DKC1: variants seen among roughly 807,000 people sequenced by gnomAD.
DKC1 encodes H/ACA ribonucleoprotein complex subunit DKC1.
In DKC1, 4 loss-of-function variants were observed where a neutral mutation model predicts 46.7. The ratio of observed to expected loss-of-function variants is 0.09; its 90% CI spans 0.04 to 0.20. The LOEUF (loss-of-function observed/expected upper bound fraction) is 0.20. DKC1 is among the 10% of genes least tolerant of loss of function. The pLI is 1.00. For synonymous variants in DKC1, 141 were observed against 142.4 expected (o/e 0.99, Z 0.07); for missense variants, 171 against 404.2 (o/e 0.42, Z 4.95).
At chrX:154,776,046 C>G in intron 13 of DKC1, 141 bp from the exon 14 acceptor site, 1 of 758,762 alleles carries the variant, frequency 1.3e-6, no homozygotes. Flanking sequence ...AACTAAGGCC[C>G]TGTCCGGGTT....
In DKC1 at chrX:154,776,263, A is replaced by G. The variant is rs782211602; in HGVS notation, c.1415A>G (p.Lys472Arg). ...CAGTTGATCAAGAAGGAAAAGAAGAAGAGTAAGAAGGACAAGAAGGCCAAA... is the reference window on the plus strand; with the variant it reads ...CAGTTGATCAAGAAGGAAAAGAAGAGGAGTAAGAAGGACAAGAAGGCCAAA... ...APQLIKKEKKKSKKDKKAKAG... is the reference protein window; with the variant it reads ...APQLIKKEKKRSKKDKKAKAG... Residue 472 changes from lysine (K) to arginine (R), a missense_variant, in exon 14 of 15, where the codon AAG (lysine) becomes AGG (arginine). Coordinates refer to ENST00000369550, the MANE Select transcript of DKC1 (RefSeq NM_001363.5). 2 of 1,209,769 alleles carry G rather than the reference A, an allele frequency of 1.7e-6. No homozygotes were observed. Among genetic ancestry groups the G allele is most frequent in the South Asian group, 3.5e-5 (2 of 56,639 alleles).
intron 10 of DKC1, 36 bp from the exon 11 acceptor site, chrX:154,773,095 C>A: frequency 1.0e-6 from 1 of 982,704 alleles, no homozygotes; most frequent in Non-Finnish European, 1.4e-6. Flanking sequence ...TTCTTTCACC[C>A]TTCAAATAAT....
At position 154,767,843 on chromosome X, in the gene DKC1, C is replaced by CTTT. The variant is rs35184460; in HGVS notation, c.641-436_641-434dup. On this transcript the variant is annotated intron_variant, in intron 7 of 14. Coordinates refer to ENST00000369550, the MANE Select transcript of DKC1 (RefSeq NM_001363.5). The stretch of plus-strand genomic sequence containing the variant: ...TTCTGCTAATATCAGAATTACAGAT[C>CTTT]TTTTTTTTTTTTTTTTTTTTTTTTT... 6.5e-3 allele frequency among the ~76,000 whole-genome samples: 422 copies of CTTT among 65,138 alleles called. 2 individuals are homozygous for CTTT. Among genetic ancestry groups the CTTT allele is most frequent in the African/African-American group, 0.01 (152 of 14,761 alleles). The allele number at this position is 65,138 out of a possible 115,157, so 56.6% of individuals were successfully genotyped here.
Position 154,775,267 on chromosome X carries a change from T to A in DKC1, c.1332T>A (p.Thr444=), listed in dbSNP as rs373010861. The change falls in exon 13 of 15, where the codon ACT becomes ACA. Residue 444 remains threonine, a synonymous_variant. Transcript: ENST00000369550. Reference sequence around the variant, plus strand: ...AGGTAGTTGCCGAAGCAGCAAAAACTGCGAAGGTGAGTGGCATGCTGTCCT... The same window carrying A: ...AGGTAGTTGCCGAAGCAGCAAAAACAGCGAAGGTGAGTGGCATGCTGTCCT... ...APQVVAEAAK[T]AKRKRESESE... The A allele has an allele frequency of 8.3e-7, 1 of 1,209,124 alleles. No individual in the cohort carries two copies. Among genetic ancestry groups the A allele is most frequent in the Non-Finnish European group, 1.1e-6 (1 of 894,304 alleles).
chrX:154,763,110 G>C, intron 1 of DKC1, 129 bp downstream of exon 1: 1 of 846,073 alleles, frequency 1.2e-6, no homozygotes, highest in Non-Finnish European at 1.7e-6. Context: ...TTCACCGCCC[G>C]GCCTTAAGCC....
intron 1 of DKC1, 93 bp downstream of exon 1, chrX:154,763,074 C>T (rs1359055222): frequency 1.9e-6 from 2 of 1,039,479 alleles, no homozygotes; most frequent in African/African-American, 3.7e-5. Flanking sequence ...ACGCCTCCCT[C>T]TGGTTCCCGC....
intron 1 of DKC1, 150 bp downstream of exon 1, chrX:154,763,131 C>T: frequency 1.4e-6 from 1 of 732,453 alleles, no homozygotes. Context: ...GGCCTTGTCT[C>T]TCGGCCCTGG....
intron 9 of DKC1, among the ~76,000 whole-genome samples, chrX:154,770,529 G>A (rs1557264797): frequency 9.6e-6 from 1 of 104,504 alleles, no homozygotes; most frequent in Non-Finnish European, 2.0e-5. Flanking sequence ...AAACCTGAAA[G>A]TCTTCTTTAC....
chrX:154,775,300 G>T (rs1557265563), intron 13 of DKC1, 27 bp downstream of exon 13: 12 of 1,186,965 alleles, frequency 1.0e-5, no homozygotes, highest in South Asian at 3.5e-5. Flanking sequence ...CCTCAGTTTG[G>T]AATGTGCTTA....
At chrX:154,770,491 AAAAT>A (rs1557264793) in intron 9 of DKC1, among the ~76,000 whole-genome samples, 9 of 97,519 alleles carry the variant, frequency 9.2e-5, no homozygotes, top group African/African-American at 2.5e-4. Flanking sequence ...AAAAAAAAAG[AAAAT>A]ACTTGTGAGT....
intron 3 of DKC1, 149 bp from the exon 4 acceptor site, chrX:154,765,758 T>G: frequency 1.8e-6 from 1 of 553,822 alleles, no homozygotes; most frequent in East Asian, 3.5e-5. Context: ...CAATGTTAAA[T>G]TGCTGAGTTT....
chrX:154,768,721 C>T (rs1427761580), intron 8 of DKC1: 1 of 385,101 alleles, frequency 2.6e-6, no homozygotes, highest in East Asian at 5.1e-5. Flanking sequence ...CGCGGTGGCT[C>T]ACGCCTGTAA....
intron 4 of DKC1, 77 bp downstream of exon 4, chrX:154,766,075 G>T: frequency 1.0e-6 from 1 of 998,201 alleles, no homozygotes; most frequent in Non-Finnish European, 1.4e-6. Context: ...CAGGAAGGCA[G>T]TGGCATGCCA....
Position 154,777,287 on chromosome X carries a change from G to T in DKC1, c.*420G>T. The T allele has an allele frequency of 6.8e-6, 1 of 147,193 alleles. No individual in the cohort carries two copies. Among genetic ancestry groups the T allele is most frequent in the South Asian group, 1.7e-4 (1 of 5,830 alleles). The allele number at this position is 147,193 out of a possible 1,213,427, so 12.1% of individuals were successfully genotyped here. A position where few individuals can be genotyped will look rare whatever the true frequency, so the allele number is the denominator to read the frequency against. On this transcript the variant is annotated 3_prime_UTR_variant, in exon 15 of 15. Coordinates refer to ENST00000369550, the MANE Select transcript of DKC1 (RefSeq NM_001363.5). ...AAATGCTGTAGAACCCTAAATAAGTGGTAGAAGAGTGTCACTGAATTTTGT... is the reference window on the plus strand; with the variant it reads ...AAATGCTGTAGAACCCTAAATAAGTTGTAGAAGAGTGTCACTGAATTTTGT...
intron 3 of DKC1, 125 bp from the exon 4 acceptor site, chrX:154,765,782 A>C: frequency 1.7e-6 from 1 of 592,900 alleles, no homozygotes; most frequent in East Asian, 3.3e-5. Context: ...AACAGTTCTC[A>C]GTTTTTGTAC....
intron 10 of DKC1, among the ~76,000 whole-genome samples, chrX:154,771,660 C>G (rs963275696): frequency 1.9e-4 from 21 of 111,263 alleles, no homozygotes; most frequent in African/African-American, 6.5e-4. Flanking sequence ...TGTGACTGGC[C>G]GATTACACTT....
intron 10 of DKC1, 54 bp downstream of exon 10, chrX:154,770,933 G>A: frequency 8.7e-7 from 1 of 1,145,446 alleles, no homozygotes; most frequent in Non-Finnish European, 1.2e-6. Flanking sequence ...TACATACTAG[G>A]TGTATATATT....
In DKC1 at chrX:154,774,516, A is replaced by AG. The variant is rs1445888051; in HGVS notation, c.1156-84dup. ...AGGCCCTGCTGAGAATACACCAGGG[A>AG]GGAACCTTGTTCTATTCTTTGTAGT... On this transcript the variant is annotated intron_variant, in intron 11 of 14. Coordinates refer to ENST00000369550, the MANE Select transcript of DKC1 (RefSeq NM_001363.5). 1.3e-5 allele frequency: 11 copies of AG among 846,705 alleles called. No homozygotes were observed. The African/African-American group carries it at 2.2e-4, about 17-fold the overall frequency. 69.8% of individuals were successfully genotyped at this position (846,705 alleles called of 1,213,427 possible). A position where few individuals can be genotyped will look rare whatever the true frequency, so the allele number is the denominator to read the frequency against.
chrX:154,776,345 G>A, intron 14 of DKC1, 21 bp downstream of exon 14: 6 of 1,176,240 alleles, frequency 5.1e-6, no homozygotes, highest in Non-Finnish European at 6.8e-6. Context: ...ACACGTTCAG[G>A]TTCCTTGGGC....
Sources: allele counts gnomAD v4.1 joint callset (sites outside exome capture counted in the v4.1 genomes callset), GRCh38; gene constraint gnomAD v4.1.1; transcripts MANE v1.5; gene names NCBI Gene and HGNC (gene_info 2026-07-23, HGNC 2026-07-21).